EPM2A: variants seen among roughly 807,000 people sequenced by gnomAD.
EPM2A encodes the protein EPM2A glucan phosphatase, laforin, also known as laforin.
EPM2A carries 21 observed loss-of-function variants against 26.5 expected under a neutral mutation model. That is an observed-to-expected ratio of 0.79 (90% CI 0.56 to 1.14). EPM2A has a LOEUF of 1.14. EPM2A is among the 50% of genes most tolerant of loss of function. The pLI is 0.00. For missense variants in EPM2A, 458 were observed against 440.8 expected, an observed-to-expected ratio of 1.04 and a Z score of -0.35; for synonymous variants, 217 against 177.6, an observed-to-expected ratio of 1.22 and a Z score of -1.76.
intron 4 of EPM2A, among the ~76,000 whole-genome samples, chr6:145,442,285 C>T (rs1779074075): frequency 6.6e-6 from 1 of 152,164 alleles, no homozygotes; most frequent in Admixed American, 6.5e-5. Context: ...TATATCTTTT[C>T]AGCAGAACCC....
intron 4 of EPM2A, among the ~76,000 whole-genome samples, chr6:145,393,155 TA>T (rs1214496944): frequency 2.0e-5 from 3 of 152,134 alleles, no homozygotes; most frequent in Non-Finnish European, 2.9e-5. Context: ...GGCTGGACTC[TA>T]AAAGGCCTCA....
intron 2 of EPM2A, among the ~76,000 whole-genome samples, chr6:145,616,990 T>A (rs575773595): frequency 6.6e-6 from 1 of 152,280 alleles, no homozygotes; most frequent in South Asian, 2.1e-4. Context: ...GTTGAGACTT[T>A]GGGTGACTGC....
intron 2 of EPM2A, among the ~76,000 whole-genome samples, chr6:145,582,784 G>A (rs1204950276): frequency 1.3e-5 from 2 of 152,158 alleles, no homozygotes; most frequent in African/African-American, 2.4e-5. Flanking sequence ...CTTCTTCAGA[G>A]ACACCAATGA....
downstream of EPM2A, among the ~76,000 whole-genome samples, chr6:145,623,617 G>A (rs558578961): frequency 7.9e-5 from 12 of 152,310 alleles, no homozygotes; most frequent in Admixed American, 2.6e-4. Flanking sequence ...CTTGAGTGAC[G>A]TGAGAGTCAT....
chr6:145,422,482 A>AC (rs1778802625), intron 4 of EPM2A, among the ~76,000 whole-genome samples: 1 of 150,418 alleles, frequency 6.6e-6, no homozygotes, highest in South Asian at 2.1e-4. Flanking sequence ...CTTTTGTAAA[A>AC]AAAAAATCTG....
intron 4 of EPM2A, among the ~76,000 whole-genome samples, chr6:145,388,860 C>G (rs754518969): frequency 2.6e-5 from 4 of 152,070 alleles, no homozygotes; most frequent in African/African-American, 9.7e-5. Context: ...TTTTTATGGT[C>G]GCATGGTATT....
At chr6:145,730,988 G>T (rs1027096646) in intron 1 of EPM2A, among the ~76,000 whole-genome samples, 1 of 152,002 alleles carries the variant, frequency 6.6e-6, no homozygotes, top group African/African-American at 2.4e-5. Flanking sequence ...GGGTTTCCTG[G>T]AAAGGACCCT....
chr6:145,538,927 T>A (rs1780470561), intron 2 of EPM2A, among the ~76,000 whole-genome samples: 1 of 152,226 alleles, frequency 6.6e-6, no homozygotes, highest in Non-Finnish European at 1.5e-5. Context: ...GCACAGCTTT[T>A]GTTCCATGTA....
At chr6:145,432,168 T>C (rs1239466860) in intron 4 of EPM2A, among the ~76,000 whole-genome samples, 1 of 152,194 alleles carries the variant, frequency 6.6e-6, no homozygotes. Context: ...AAGTCATCCA[T>C]CAGGGCTGGA....
chr6:145,622,223 G>A (rs1378198894), downstream of EPM2A, among the ~76,000 whole-genome samples: 1 of 152,042 alleles, frequency 6.6e-6, no homozygotes, highest in Non-Finnish European at 1.5e-5. Context: ...TCTTTTATTT[G>A]AATGGCCCCA....
At chr6:145,493,464 T>C (rs1321064275) in intron 4 of EPM2A, among the ~76,000 whole-genome samples, 1 of 152,236 alleles carries the variant, frequency 6.6e-6, no homozygotes, top group African/African-American at 2.4e-5. Context: ...CTCCTCCTAT[T>C]TGAATGCCCT....
At chr6:145,497,524 A>G (rs977320833), downstream of EPM2A, among the ~76,000 whole-genome samples, 6 of 108,950 alleles carry the variant, frequency 5.5e-5, no homozygotes, top group Non-Finnish European at 8.2e-5. Context: ...GAATGGGATC[A>G]GGGATCCACT....
At chr6:145,691,209 T>C (rs1781261071) in intron 1 of EPM2A, among the ~76,000 whole-genome samples, 1 of 152,016 alleles carries the variant, frequency 6.6e-6, no homozygotes, top group Non-Finnish European at 1.5e-5. Flanking sequence ...AGACATGACA[T>C]ATTTAAACTT....
At chr6:145,546,365 C>T (rs995880725) in intron 2 of EPM2A, among the ~76,000 whole-genome samples, 2 of 152,068 alleles carry the variant, frequency 1.3e-5, no homozygotes, top group Admixed American at 6.6e-5. Context: ...CTTTTCTCTG[C>T]CTTTGTGTTC....
At chr6:145,426,975 A>T (rs1242601017) in intron 4 of EPM2A, among the ~76,000 whole-genome samples, 1 of 152,204 alleles carries the variant, frequency 6.6e-6, no homozygotes, top group Non-Finnish European at 1.5e-5. Context: ...TACATAGTTC[A>T]TTCTGAATAA....
intron 1 of EPM2A, among the ~76,000 whole-genome samples, chr6:145,722,186 A>T (rs1382031272): frequency 3.9e-5 from 6 of 152,230 alleles, no homozygotes; most frequent in Non-Finnish European, 8.8e-5. Flanking sequence ...CTTTGGTTTA[A>T]TCCAAGAGTA....
In EPM2A at chr6:145,556,332, C is replaced by T. The variant is rs1780728174; in HGVS notation, c.341-53757G>A. Reference sequence around the variant, plus strand: ...TTTTAGTTTTTCTCATTTCCTTGTGCAAAGCCAGCAGGTACAAATTTATTT... The same window carrying T: ...TTTTAGTTTTTCTCATTTCCTTGTGTAAAGCCAGCAGGTACAAATTTATTT... On this transcript the variant is annotated intron_variant, in intron 2 of 3. Coordinates refer to the EPM2A transcript ENST00000450221. 2.0e-5 allele frequency among the ~76,000 whole-genome samples: 3 copies of T among 152,188 alleles called. No individual in the cohort carries two copies. In the South Asian group the frequency reaches 6.2e-4, roughly 32 times the overall value.
chr6:145,557,182 CTT>C (rs1359989177), intron 2 of EPM2A, among the ~76,000 whole-genome samples: 1 of 152,064 alleles, frequency 6.6e-6, no homozygotes, highest in Admixed American at 6.6e-5. Flanking sequence ...TTGAGAGTAA[CTT>C]CTCAATTCAC....
chr6:145,553,201 C>T (rs996443521), intron 2 of EPM2A, among the ~76,000 whole-genome samples: 1 of 152,098 alleles, frequency 6.6e-6, no homozygotes, highest in Non-Finnish European at 1.5e-5. Context: ...TGAAGAGATG[C>T]CTTCCACCAT....
Sources: allele counts gnomAD v4.1 joint callset (sites outside exome capture counted in the v4.1 genomes callset), GRCh38; gene constraint gnomAD v4.1.1; transcripts MANE v1.5; gene names NCBI Gene and HGNC (gene_info 2026-07-23, HGNC 2026-07-21).